Variants in KLF15 observed in about 807,000 individuals in gnomAD.
The protein encoded by KLF15 is Krueppel-like factor 15.
Under a neutral mutation model 24.6 loss-of-function variants are expected in KLF15, and 4 were observed. The observed-to-expected ratio is 0.16, with a 90% confidence interval of 0.08 to 0.37. The LOEUF (loss-of-function observed/expected upper bound fraction) is 0.37, where lower values mean the gene tolerates loss of function less well. Ranked by LOEUF, KLF15 falls within the 10% of genes least tolerant of loss-of-function variation. The pLI, the probability that KLF15 is intolerant of heterozygous loss-of-function variation, is 1.00. For synonymous variants in KLF15, 246 were observed against 236.3 expected (o/e 1.04, Z -0.37); for missense variants, 496 against 560.6 (o/e 0.88, Z 1.16).
chr3:126,321,448 CAGCACCACTG>C, the KLF15 span, among the ~76,000 whole-genome samples: 1 of 152,230 alleles, frequency 6.6e-6, no homozygotes, highest in Non-Finnish European at 1.5e-5. Context: ...GAGCTCTGCC[CAGCACCACTG>C]AGTGCCTGGT....
chr3:126,320,057 C>T, the KLF15 span, among the ~76,000 whole-genome samples: 1 of 152,092 alleles, frequency 6.6e-6, no homozygotes, highest in African/African-American at 2.4e-5. Flanking sequence ...CTTAAGCATA[C>T]TTTGGGCTTT....
chr3:126,338,180 C>T (rs2082453674), downstream of KLF15, among the ~76,000 whole-genome samples: 1 of 152,178 alleles, frequency 6.6e-6, no homozygotes, highest in Admixed American at 6.5e-5. Context: ...AGGCCACCAG[C>T]TTGGGAAGGC....
Position 126,343,337 on chromosome 3 carries a change from T to G in KLF15, c.*390A>C. ...AACCCAACATTTCAAAACTGCACAT[T>G]TCATCTTCCCCTAGCACTAAAGTTC... On this transcript the variant is annotated 3_prime_UTR_variant, in exon 3 of 3. Coordinates refer to ENST00000296233, the MANE Select transcript of KLF15 (RefSeq NM_014079.4). The G allele has an allele frequency of 4.5e-6, 1 of 223,898 alleles. No individual in the cohort carries two copies. Among genetic ancestry groups the G allele is most frequent in the Non-Finnish European group, 8.7e-6 (1 of 114,466 alleles). The allele number at this position is 223,898 out of a possible 1,614,324, so 13.9% of individuals were successfully genotyped here.
chr3:126,339,025 G>T (rs763223188), downstream of KLF15, among the ~76,000 whole-genome samples: 2 of 152,190 alleles, frequency 1.3e-5, no homozygotes, highest in Non-Finnish European at 2.9e-5. Flanking sequence ...ATGTCCGTGC[G>T]CCAGGATGGC....
the KLF15 span, among the ~76,000 whole-genome samples, chr3:126,300,400 C>A: frequency 6.6e-6 from 1 of 152,232 alleles, no homozygotes. Context: ...CCAGCGGAGA[C>A]AGGTCAGTCC....
At chr3:126,316,910 C>T in the KLF15 span, among the ~76,000 whole-genome samples, 1 of 152,156 alleles carries the variant, frequency 6.6e-6, no homozygotes, top group African/African-American at 2.4e-5. Flanking sequence ...AGAACATGTG[C>T]TCCTGGAAGC....
the KLF15 span, among the ~76,000 whole-genome samples, chr3:126,314,798 T>C: frequency 6.6e-6 from 1 of 152,230 alleles, no homozygotes; most frequent in Non-Finnish European, 1.5e-5. Flanking sequence ...ATCAGCATCG[T>C]TCTCTCTGAT....
At chr3:126,329,474 G>C in the KLF15 span, among the ~76,000 whole-genome samples, 1 of 152,112 alleles carries the variant, frequency 6.6e-6, no homozygotes, top group African/African-American at 2.4e-5. Flanking sequence ...AGCAGAGCAA[G>C]AACCTGTCTC....
chr3:126,353,258 G>A (rs540805245), intron 1 of KLF15, among the ~76,000 whole-genome samples: 2 of 152,358 alleles, frequency 1.3e-5, no homozygotes, highest in South Asian at 4.1e-4. Flanking sequence ...GAGTATGAGA[G>A]AAGGGCATGC....
the KLF15 span, among the ~76,000 whole-genome samples, chr3:126,328,816 C>G: frequency 1.3e-5 from 2 of 152,142 alleles, no homozygotes; most frequent in African/African-American, 2.4e-5. Context: ...AGTTAGATAT[C>G]TTCTCATGTG....
At chr3:126,340,343 G>A (rs1181580741), downstream of KLF15, among the ~76,000 whole-genome samples, 2 of 152,324 alleles carry the variant, frequency 1.3e-5, no homozygotes, top group East Asian at 1.9e-4. Flanking sequence ...AGGAGGGCAG[G>A]GCAGAAACAT....
intron 2 of KLF15, 117 bp downstream of exon 2, chr3:126,351,724 C>T: frequency 1.4e-6 from 1 of 717,384 alleles, no homozygotes. Context: ...GCCTGCCCCT[C>T]CCTCCCCTCC....
the KLF15 span, among the ~76,000 whole-genome samples, chr3:126,311,458 G>A: frequency 6.6e-6 from 1 of 152,198 alleles, no homozygotes; most frequent in Non-Finnish European, 1.5e-5. Flanking sequence ...AGCCCTTCCA[G>A]GTTTCTATCC....
At position 126,343,861 on chromosome 3, in the gene KLF15, G is replaced by C. The variant is rs2082506400; in HGVS notation, c.1117C>G (p.Arg373Gly). ...SRSDELSRHR[R>G]SHSGVKPYQC... Reference sequence around the variant, plus strand: ...TACGGCTTCACACCTGAGTGCGAGCGCCTGTGCCGCGACAGCTCGTCAGAG... The same window carrying C: ...TACGGCTTCACACCTGAGTGCGAGCCCCTGTGCCGCGACAGCTCGTCAGAG... The change falls in exon 3 of 3, where the codon CGC becomes GGC. Residue 373 changes from arginine to glycine, a missense_variant. This residue lies in a region of KLF15 where 59 missense variants were observed against 106.1 expected (regional missense o/e 0.56). Transcript: ENST00000296233. 1 of 1,602,272 alleles carries C rather than the reference G, an allele frequency of 6.2e-7. No individual in the cohort carries two copies. The highest frequency in any genetic ancestry group is 1.7e-5 in the Admixed American group (1 of 57,730).
rs1361128464 is a variant in KLF15 at position 126,343,737 on chromosome 3, G to A, written c.1241C>T (p.Ser414Phe). Reference sequence around the variant, plus strand: ...GGGTTCAGGGCGCTTTCAGTTCACGGAGCGCACGGAGCGGCTGCTCCGCGG... The same window carrying A: ...GGGTTCAGGGCGCTTTCAGTTCACGAAGCGCACGGAGCGGCTGCTCCGCGG... ...RFPRSSRSVR[S>F]VN The change falls in exon 3 of 3, where the codon TCC becomes TTC. Residue 414 changes from serine (S) to phenylalanine (F), a missense_variant. Ser to Phe is a radical substitution (Grantham distance 155). Coordinates refer to ENST00000296233, the MANE Select transcript of KLF15 (RefSeq NM_014079.4). 2 of 1,611,166 alleles carry A rather than the reference G, an allele frequency of 1.2e-6. No individual in the cohort carries two copies. Among genetic ancestry groups the A allele is most frequent in the Non-Finnish European group, 8.5e-7 (1 of 1,179,482 alleles).
At position 126,351,992 on chromosome 3, in the gene KLF15, T is replaced by C. The variant is rs1411631759; in HGVS notation, c.931A>G (p.Lys311Glu). ...AGLLMGQKFP[K>E]NPAAELIKMH... The stretch of plus-strand genomic sequence containing the variant: ...TTGATGAGTTCTGCGGCTGGGTTCT[T>C]GGGGAACTTCTGGCCCATGAGGAGA... The change falls in exon 2 of 3, where the codon AAG becomes GAG. Residue 311 changes from lysine (K) to glutamate (E), a missense_variant. Physicochemically the swap from Lys to Glu is moderately conservative, Grantham distance 56. Transcript: ENST00000296233. 1.9e-5 allele frequency: 30 copies of C among 1,582,382 alleles called. No individual in the cohort carries two copies. The highest frequency in any genetic ancestry group is 2.5e-5 in the Non-Finnish European group (29 of 1,164,354).
At chr3:126,329,695 G>A in the KLF15 span, among the ~76,000 whole-genome samples, 8 of 148,078 alleles carry the variant, frequency 5.4e-5, no homozygotes, top group South Asian at 1.5e-3. Flanking sequence ...TACTGGAATT[G>A]CAATGAATTA....
At chr3:126,295,254 G>A in the KLF15 span, among the ~76,000 whole-genome samples, 1 of 152,106 alleles carries the variant, frequency 6.6e-6, no homozygotes, top group Admixed American at 6.5e-5. Context: ...AAACAGCTTA[G>A]GCTCTTCTAC....
chr3:126,328,765 GAT>G, the KLF15 span, among the ~76,000 whole-genome samples: 1 of 152,086 alleles, frequency 6.6e-6, no homozygotes, highest in Non-Finnish European at 1.5e-5. Context: ...ACCTCCACAG[GAT>G]ATATTGTTTT....
Sources: gnomAD v4.1 joint callset for allele counts (sites outside exome capture counted in the v4.1 genomes callset) on GRCh38, gnomAD v4.1.1 for gene constraint, gnomAD v4.1.1 regional missense constraint, MANE v1.5 for transcripts, NCBI Gene and HGNC (gene_info 2026-07-23, HGNC 2026-07-21) for gene names.